The following NUP210L variants were observed in gnomAD, a reference collection of about 807,000 sequenced individuals.
NUP210L encodes the protein nuclear pore membrane glycoprotein 210-like.
NUP210L carries 74 observed loss-of-function variants against 208.5 expected under a neutral mutation model. The ratio of observed to expected loss-of-function variants is 0.35; its 90% CI spans 0.29 to 0.43. NUP210L has a LOEUF of 0.43. NUP210L is among the 20% of genes least tolerant of loss of function. NUP210L has a pLI of 1.00. For missense variants in NUP210L, 1,843 were observed against 2,289.4 expected (o/e 0.81, Z 3.98); for synonymous variants, 780 against 816.9 (o/e 0.95, Z 0.77).
exon 34 of NUP210L, chr1:154,012,298 A>T: frequency 1.2e-6 from 2 of 1,613,600 alleles, no homozygotes; most frequent in Non-Finnish European, 1.7e-6. Flanking sequence ...AATACAGTTG[A>T]ATTGAGGGTA....
intron 17 of NUP210L, among the ~76,000 whole-genome samples, chr1:154,066,412 A>C (rs1294856755): frequency 6.6e-6 from 1 of 152,156 alleles, no homozygotes; most frequent in Non-Finnish European, 1.5e-5. Flanking sequence ...GAGATTGAGA[A>C]CATCCTGGCT....
intron 12 of NUP210L, among the ~76,000 whole-genome samples, chr1:154,111,330 C>T (rs1318225292): frequency 6.6e-6 from 1 of 151,300 alleles, no homozygotes; most frequent in East Asian, 1.9e-4. Flanking sequence ...TTGCAATGAG[C>T]CCAGATCGCA....
chr1:154,126,511 C>T (rs368095310), intron 9 of NUP210L, 48 bp from the exon 10 acceptor site: 8 of 1,512,784 alleles, frequency 5.3e-6, no homozygotes, highest in Non-Finnish European at 7.1e-6. Flanking sequence ...ATGTTCTTTC[C>T]CTGAAGTCAT....
At chr1:154,000,928 T>C (rs1448393928) in exon 37 of NUP210L, 4 of 1,614,058 alleles carry the variant, frequency 2.5e-6, no homozygotes, top group Non-Finnish European at 3.4e-6. Context: ...CAGGAAATAT[T>C]GATGAAAACA....
chr1:154,118,785 T>A, exon 11 of NUP210L: 1 of 1,579,672 alleles, frequency 6.3e-7, no homozygotes, highest in Non-Finnish European at 8.7e-7. Context: ...TGATTAGAAA[T>A]TTTATAGGCT....
chr1:154,107,174 A>G (rs1303929236), intron 12 of NUP210L, among the ~76,000 whole-genome samples: 1 of 152,172 alleles, frequency 6.6e-6, no homozygotes, highest in Non-Finnish European at 1.5e-5. Flanking sequence ...ATAATTTTAA[A>G]AAGCAGAAAT....
intron 37 of NUP210L, among the ~76,000 whole-genome samples, chr1:153,996,389 T>C (rs1649868418): frequency 6.6e-6 from 1 of 152,218 alleles, no homozygotes; most frequent in Non-Finnish European, 1.5e-5. Context: ...GATAGTATGC[T>C]GATTCCATTT....
intron 2 of NUP210L, among the ~76,000 whole-genome samples, chr1:154,146,667 A>G (rs1659131621): frequency 1.4e-5 from 2 of 141,960 alleles, no homozygotes; most frequent in Non-Finnish European, 3.0e-5. Flanking sequence ...ATTCATGGAT[A>G]AACACTAAAA....
chr1:154,099,889 T>C, intron 14 of NUP210L, 109 bp downstream of exon 14: 2 of 1,119,266 alleles, frequency 1.8e-6, no homozygotes, highest in South Asian at 1.5e-5. Context: ...AAAGAGAACA[T>C]AAATGTCATT....
At position 154,117,718 on chromosome 1, in the gene NUP210L, C is replaced by A; in HGVS notation, c.1620+7G>T. 8 of 1,606,706 alleles carry A rather than the reference C, an allele frequency of 5.0e-6. No homozygotes were observed. The South Asian group carries it at 7.8e-5, about 16-fold the overall frequency. On this transcript the variant is annotated splice_region_variant and intron_variant, in intron 12 of 39. Coordinates refer to ENST00000368559, the Ensembl canonical transcript of NUP210L. ...GGGGTAATAAGAATATCTGGAGAGT[C>A]GTTTACCTTAATTTCTCCATATCGA...
intron 31 of NUP210L, among the ~76,000 whole-genome samples, 200 bp from the exon 32 acceptor site, chr1:154,022,543 T>TC (rs1263401408): frequency 1.3e-5 from 2 of 152,056 alleles, no homozygotes; most frequent in East Asian, 1.9e-4. Context: ...TTTTTTTTTT[T>TC]CCAGTAAAGC....
At chr1:154,114,493 A>C (rs564064901) in intron 12 of NUP210L, among the ~76,000 whole-genome samples, 108 of 152,246 alleles carry the variant, frequency 7.1e-4, no homozygotes, top group African/African-American at 2.0e-3. Context: ...CTAATCTTTC[A>C]GTTGAACTTC....
At chr1:154,089,510 C>T (rs750567084) in exon 16 of NUP210L, 1 of 1,614,026 alleles carries the variant, frequency 6.2e-7, no homozygotes, top group South Asian at 1.1e-5. Context: ...GCAGGGTGGG[C>T]ACAAATGAAG....
intron 27 of NUP210L, among the ~76,000 whole-genome samples, chr1:154,030,494 C>T (rs1343806312): frequency 1.3e-5 from 2 of 151,966 alleles, no homozygotes; most frequent in Non-Finnish European, 2.9e-5. Context: ...CATGGGGTTT[C>T]GCCATGTTGC....
intron 20 of NUP210L, 85 bp from the exon 21 acceptor site, chr1:154,058,778 T>C (rs1210603030): frequency 6.5e-6 from 9 of 1,391,792 alleles, no homozygotes; most frequent in Middle Eastern, 1.9e-4. Context: ...CAAAGCAGAA[T>C]AGAAAACATC....
chr1:154,002,184 A>G (rs1195279692), intron 35 of NUP210L, among the ~76,000 whole-genome samples, 199 bp from the exon 36 acceptor site: 1 of 152,158 alleles, frequency 6.6e-6, no homozygotes, highest in African/African-American at 2.4e-5. Flanking sequence ...ACTCCTAGAG[A>G]AACCACAACT....
intron 27 of NUP210L, among the ~76,000 whole-genome samples, chr1:154,045,219 C>T (rs1557937334): frequency 6.6e-6 from 1 of 152,126 alleles, no homozygotes; most frequent in Non-Finnish European, 1.5e-5. Flanking sequence ...CAGTTCTTCC[C>T]CAATTCCAAG....
intron 35 of NUP210L, among the ~76,000 whole-genome samples, chr1:154,009,203 G>C (rs922954339): frequency 1.3e-5 from 2 of 151,998 alleles, no homozygotes; most frequent in African/African-American, 4.8e-5. Context: ...GAGCCACTGC[G>C]CCTGGCCCTA....
intron 33 of NUP210L, among the ~76,000 whole-genome samples, chr1:154,017,299 G>A (rs553304368): frequency 2.5e-5 from 2 of 80,722 alleles, no homozygotes; most frequent in African/African-American, 3.3e-5. Context: ...AAAAAAAAAG[G>A]GGGGGGCTCA....
Sources: gnomAD v4.1 joint callset for allele counts (sites outside exome capture counted in the v4.1 genomes callset) on GRCh38, gnomAD v4.1.1 for gene constraint, MANE v1.5 for transcripts, NCBI Gene and HGNC (gene_info 2026-07-23, HGNC 2026-07-21) for gene names.